Variants in MTFR1 observed in about 807,000 individuals in gnomAD.
MTFR1 encodes the protein mitochondrial fission regulator 1.
Under a neutral mutation model 38.8 loss-of-function variants are expected in MTFR1, and 28 were observed. That is an observed-to-expected ratio of 0.72 (90% CI 0.53 to 0.99). The LOEUF (loss-of-function observed/expected upper bound fraction) is 0.99, where lower values mean the gene tolerates loss of function less well. Ranked by LOEUF, MTFR1 falls within the 50% of genes least tolerant of loss-of-function variation. The probability of loss-of-function intolerance (pLI) is 0.00; values close to 1 mark genes in which losing one functional copy is unlikely to be tolerated. For synonymous variants in MTFR1, 145 were observed against 137.0 expected, an observed-to-expected ratio of 1.06 and a Z score of -0.41; for missense variants, 358 against 395.5, an observed-to-expected ratio of 0.91 and a Z score of 0.81.
chr8:65,764,888 T>A (rs1446595002), intron 3 of MTFR1, among the ~76,000 whole-genome samples: 1 of 152,184 alleles, frequency 6.6e-6, no homozygotes, highest in Non-Finnish European at 1.5e-5. Flanking sequence ...AGACACATGA[T>A]TCAACAGAAA....
At chr8:65,725,971 A>G (rs1425534450) in intron 3 of MTFR1, among the ~76,000 whole-genome samples, 1 of 152,230 alleles carries the variant, frequency 6.6e-6, no homozygotes, top group Non-Finnish European at 1.5e-5. Context: ...TCCAAATGGT[A>G]TCCGTGAATA....
At chr8:65,678,872 G>A (rs1030492650) in intron 2 of MTFR1, among the ~76,000 whole-genome samples, 7 of 151,948 alleles carry the variant, frequency 4.6e-5, no homozygotes, top group African/African-American at 1.7e-4. Flanking sequence ...GTGACAGAGC[G>A]AGACTCCATC....
At chr8:65,727,267 A>G in intron 3 of MTFR1, 8 of 1,613,456 alleles carry the variant, frequency 5.0e-6, no homozygotes, top group Non-Finnish European at 6.8e-6. Flanking sequence ...AATTAAGCTC[A>G]GCAAGATATC....
chr8:65,669,931 T>G lies in MTFR1; in HGVS notation c.-22T>G, dbSNP rs79834195. On this transcript the variant is annotated 5_prime_UTR_variant, in exon 2 of 8. In the 5' UTR this introduces an upstream ATG that the reference lacks. Coordinates refer to ENST00000262146, the MANE Select transcript of MTFR1 (RefSeq NM_014637.4). ...CTGAAGAAGTACTTGAAATGCAAAT[T>G]TGGGGAGACTTTGCCATATAAATGC... 6.2e-7 allele frequency: 1 copy of G among 1,601,982 alleles called. No homozygotes were observed. The highest frequency in any genetic ancestry group is 8.5e-7 in the Non-Finnish European group (1 of 1,177,062).
In MTFR1 at chr8:65,682,393, T is replaced by C. The variant is rs892562952; in HGVS notation, c.107T>C (p.Ile36Thr). The C allele has an allele frequency of 6.4e-7, 1 of 1,573,236 alleles. No homozygotes were observed. The highest frequency in any genetic ancestry group is 8.6e-7 in the Non-Finnish European group (1 of 1,159,070). Reference protein sequence around the residue: ...SRKPYGSSRSIVRKIGTNLSL... With the variant: ...SRKPYGSSRSTVRKIGTNLSL... ...AAGCCATATGGTTCGTCTCGAAGTA[T>C]CGTAAGGAAAATTGGTACTAATTTG... Residue 36 changes from isoleucine (I) to threonine (T), a missense_variant, in exon 3 of 8, where the codon ATC (isoleucine) becomes ACC (threonine). Physicochemically the swap from Ile to Thr is moderately conservative, Grantham distance 89. Transcript: ENST00000262146.
At chr8:65,713,315 C>T, downstream of MTFR1, among the ~76,000 whole-genome samples, 1 of 152,016 alleles carries the variant, frequency 6.6e-6, no homozygotes, top group Non-Finnish European at 1.5e-5. Flanking sequence ...GTGGTGCACA[C>T]CTGTAATCCC....
intron 3 of MTFR1, among the ~76,000 whole-genome samples, chr8:65,754,086 G>GC (rs1808099709): frequency 6.6e-6 from 1 of 152,136 alleles, no homozygotes; most frequent in South Asian, 2.1e-4. Context: ...AGCAAGGAAA[G>GC]CAAGTCTGAG....
chr8:65,706,521 C>A (rs1024177587), intron 5 of MTFR1, among the ~76,000 whole-genome samples: 1 of 152,152 alleles, frequency 6.6e-6, no homozygotes, highest in African/African-American at 2.4e-5. Context: ...TCCTAAAGTG[C>A]TGGGATTACA....
intron 1 of MTFR1, among the ~76,000 whole-genome samples, chr8:65,656,880 A>C (rs1434462432): frequency 6.6e-6 from 1 of 152,076 alleles, no homozygotes; most frequent in Non-Finnish European, 1.5e-5. Context: ...TGCAGGCCTC[A>C]AGTGATTCTC....
intron 4 of MTFR1, 44 bp from the exon 5 acceptor site, chr8:65,704,648 TTC>T (rs1317285353): frequency 2.0e-6 from 3 of 1,517,152 alleles, no homozygotes; most frequent in African/African-American, 1.4e-5. Flanking sequence ...GTGTTTCACG[TTC>T]TCTTACAAAG....
intron 3 of MTFR1, among the ~76,000 whole-genome samples, chr8:65,761,874 A>T (rs1027296189): frequency 1.6e-4 from 24 of 152,178 alleles, no homozygotes; most frequent in African/African-American, 5.5e-4. Context: ...GAACCAACAC[A>T]ACTGGAGCAG....
Position 65,709,071 on chromosome 8 carries a change from T to C in MTFR1, c.*27T>C. 1 of 1,609,366 alleles carries C rather than the reference T, an allele frequency of 6.2e-7. No homozygotes were observed. The highest frequency in any genetic ancestry group is 8.5e-7 in the Non-Finnish European group (1 of 1,175,728). ...AGACAATGAGCTGCGAAAAGACTCC[T>C]GGTTCCCCTGTTGATTTGTGAGGGC... is the stretch of plus-strand genomic sequence containing the variant. On this transcript the variant is annotated 3_prime_UTR_variant, in exon 8 of 8. Transcript: ENST00000262146.
chr8:65,757,672 G>A (rs1285465629), intron 3 of MTFR1, among the ~76,000 whole-genome samples: 1 of 152,184 alleles, frequency 6.6e-6, no homozygotes, highest in East Asian at 1.9e-4. Context: ...AGGCTGAAGT[G>A]CAGTGGCATG....
chr8:65,761,399 G>A (rs1335855227), intron 3 of MTFR1, among the ~76,000 whole-genome samples: 1 of 152,148 alleles, frequency 6.6e-6, no homozygotes, highest in Non-Finnish European at 1.5e-5. Flanking sequence ...ACTGTGACAT[G>A]AGACAAATTA....
In MTFR1 at chr8:65,702,370, G is replaced by C. The variant is rs907694891; in HGVS notation, c.282-2324G>C. Among the ~76,000 whole-genome samples, 3 of 146,746 alleles carry C rather than the reference G, an allele frequency of 2.0e-5. 1 individual carries two copies. The highest frequency in any genetic ancestry group is 4.3e-4 in the South Asian group (2 of 4,662). On this transcript the variant is annotated intron_variant, in intron 4 of 7. Transcript: ENST00000262146. ...GCTGGAATGCAGTGGCATGATCTTG[G>C]CTCACTGCAACCTCCACTTCCCGGG...
At chr8:65,754,430 T>C (rs1417579486) in intron 3 of MTFR1, among the ~76,000 whole-genome samples, 1 of 151,804 alleles carries the variant, frequency 6.6e-6, no homozygotes, top group East Asian at 2.0e-4. Context: ...TTTCAACCTC[T>C]TTGTTCAAAC....
At chr8:65,737,719 A>C (rs372465462) in intron 3 of MTFR1, among the ~76,000 whole-genome samples, 3 of 152,056 alleles carry the variant, frequency 2.0e-5, no homozygotes, top group Non-Finnish European at 4.4e-5. Flanking sequence ...GGGTTTCACC[A>C]TGTTGGCCAG....
chr8:65,739,319 A>C (rs1563479711), intron 3 of MTFR1, among the ~76,000 whole-genome samples: 1 of 152,214 alleles, frequency 6.6e-6, no homozygotes. Context: ...CCCAGACCAG[A>C]CCAAAAGAAG....
chr8:65,706,756 A>G (rs1805790846), intron 5 of MTFR1, among the ~76,000 whole-genome samples: 1 of 152,224 alleles, frequency 6.6e-6, no homozygotes, highest in Non-Finnish European at 1.5e-5. Flanking sequence ...TGAACATTTG[A>G]TATCACAAAA....
Sources: allele counts gnomAD v4.1 joint callset (sites outside exome capture counted in the v4.1 genomes callset), GRCh38; gene constraint gnomAD v4.1.1; transcripts MANE v1.5; gene names NCBI Gene and HGNC (gene_info 2026-07-23, HGNC 2026-07-21).